EDIL3: variants seen among roughly 807,000 people sequenced by gnomAD.
EDIL3 encodes the protein EGF like and discoidin domains 3.
In EDIL3, 37 loss-of-function variants were observed where a neutral mutation model predicts 67.4. The observed-to-expected ratio is 0.55, with a 90% confidence interval of 0.42 to 0.72. The LOEUF (loss-of-function observed/expected upper bound fraction) is 0.72. Ranked by LOEUF, EDIL3 falls within the 30% of genes least tolerant of loss-of-function variation. The probability of loss-of-function intolerance (pLI) is 0.00; values close to 1 mark genes in which losing one functional copy is unlikely to be tolerated. For synonymous variants in EDIL3, 195 were observed against 196.3 expected (o/e 0.99, Z 0.05); for missense variants, 527 against 586.3 (o/e 0.90, Z 1.04).
intron 3 of EDIL3, among the ~76,000 whole-genome samples, chr5:84,211,181 G>C (rs1188656591): frequency 6.6e-6 from 1 of 152,204 alleles, no homozygotes; most frequent in Non-Finnish European, 1.5e-5. Flanking sequence ...AGGCCTGGTG[G>C]AAGGTGTCTG....
intron 6 of EDIL3, among the ~76,000 whole-genome samples, chr5:84,075,490 T>C (rs1344830523): frequency 2.0e-5 from 3 of 152,034 alleles, no homozygotes; most frequent in Non-Finnish European, 2.9e-5. Context: ...CTTCTTATTA[T>C]TTTGAGACGG....
At chr5:83,950,652 C>T (rs1744403037) in intron 10 of EDIL3, among the ~76,000 whole-genome samples, 1 of 151,792 alleles carries the variant, frequency 6.6e-6, no homozygotes, top group Admixed American at 6.6e-5. Context: ...ATTTTACTTG[C>T]TGTTCTTATT....
At chr5:84,112,907 T>A (rs919177963) in intron 5 of EDIL3, among the ~76,000 whole-genome samples, 1 of 152,208 alleles carries the variant, frequency 6.6e-6, no homozygotes, top group African/African-American at 2.4e-5. Flanking sequence ...GGTACCATTT[T>A]ATTTGTATAC....
chr5:84,042,424 G>C (rs1398189041), intron 9 of EDIL3, among the ~76,000 whole-genome samples: 11 of 151,988 alleles, frequency 7.2e-5, no homozygotes, highest in African/African-American at 2.7e-4. Flanking sequence ...TGAGATTACA[G>C]GTGCCCGCCA....
In EDIL3 at chr5:84,224,039, A is replaced by G. The variant is rs538598886; in HGVS notation, c.226+5816T>C. ...CACTTGTAGTATTAAAAAAAATGAC[A>G]AAGTAATTAAAAACCTCCTCTTAGG... On this transcript the variant is annotated intron_variant, in intron 3 of 10. Coordinates refer to ENST00000296591, the MANE Select transcript of EDIL3 (RefSeq NM_005711.5). 5.9e-5 allele frequency among the ~76,000 whole-genome samples: 9 copies of G among 151,568 alleles called. No individual in the cohort carries two copies. The South Asian group carries it at 1.9e-3, about 31-fold the overall frequency.
chr5:84,151,907 T>G (rs116454512), intron 4 of EDIL3, among the ~76,000 whole-genome samples: 2,421 of 148,426 alleles, frequency 0.016, 66 homozygotes, highest in African/African-American at 0.059. Context: ...CTTTGCTGCT[T>G]CTTTTTTTTT....
chr5:83,974,912 C>A (rs1744854304), intron 9 of EDIL3, among the ~76,000 whole-genome samples: 1 of 151,798 alleles, frequency 6.6e-6, no homozygotes, highest in East Asian at 1.9e-4. Flanking sequence ...CCTTTAGGTC[C>A]TAATATCTAT....
rs1748905251 is a variant in EDIL3 at position 84,176,202 on chromosome 5, T to TATATATATATATATATATATATA, written c.355+4168_355+4190dup. Among the ~76,000 whole-genome samples the TATATATATATATATATATATATA allele has an allele frequency of 4.1e-3, 41 of 10,090 alleles. No individual in the cohort carries two copies. In the East Asian group the frequency reaches 0.1, roughly 25 times the overall value. The allele number at this position is 10,090 out of a possible 152,430, so 6.6% of individuals were successfully genotyped here. On this transcript the variant is annotated intron_variant, in intron 4 of 10. Coordinates refer to ENST00000296591, the MANE Select transcript of EDIL3 (RefSeq NM_005711.5). ...AAAAAATATATATATATATATAATA[T>TATATATATATATATATATATATA]ATATATATATATATATATATATATA...
chr5:84,023,174 T>C (rs1400740898), intron 9 of EDIL3, among the ~76,000 whole-genome samples: 2 of 152,016 alleles, frequency 1.3e-5, no homozygotes, highest in Non-Finnish European at 2.9e-5. Context: ...ATTATCATAA[T>C]GATTACAAAA....
At chr5:84,015,073 T>A (rs1026633144) in intron 9 of EDIL3, among the ~76,000 whole-genome samples, 19 of 152,220 alleles carry the variant, frequency 1.2e-4, no homozygotes, top group African/African-American at 4.6e-4. Flanking sequence ...CCACAAATAC[T>A]CCAGGACACT....
intron 9 of EDIL3, among the ~76,000 whole-genome samples, chr5:84,009,672 T>G (rs1745484720): frequency 6.6e-6 from 1 of 152,166 alleles, no homozygotes; most frequent in African/African-American, 2.4e-5. Flanking sequence ...AGCCCTGTCA[T>G]GAGTCGCTGC....
At chr5:84,372,956 T>C (rs895626103) in intron 1 of EDIL3, among the ~76,000 whole-genome samples, 47 of 152,226 alleles carry the variant, frequency 3.1e-4, no homozygotes, top group Middle Eastern at 3.4e-3. Context: ...TTAGAGTAAA[T>C]CGGCTCTCCT....
At position 83,941,201 on chromosome 5, in the gene EDIL3, G is replaced by T. The variant is rs1035313649; in HGVS notation, c.*2218C>A. On this transcript the variant is annotated 3_prime_UTR_variant, in exon 11 of 11. Coordinates refer to ENST00000296591, the MANE Select transcript of EDIL3 (RefSeq NM_005711.5). The stretch of plus-strand genomic sequence containing the variant: ...ACCCCTTTGCTCTCATCAATTTTGG[G>T]TGTCATGAGAACAATAGGTATCCCG... 2 of 151,932 alleles carry T rather than the reference G, an allele frequency of 1.3e-5. No individual in the cohort carries two copies. The highest frequency in any genetic ancestry group is 2.9e-5 in the Non-Finnish European group (2 of 67,886). 9.4% of individuals were successfully genotyped at this position (151,932 alleles called of 1,614,324 possible).
chr5:84,340,034 T>C (rs1300458858), intron 1 of EDIL3, among the ~76,000 whole-genome samples: 2 of 152,036 alleles, frequency 1.3e-5, no homozygotes, highest in South Asian at 2.1e-4. Flanking sequence ...TAGAAAAATA[T>C]TAAATTTTAT....
intron 9 of EDIL3, among the ~76,000 whole-genome samples, chr5:83,982,109 G>A (rs1744979774): frequency 6.6e-6 from 1 of 152,004 alleles, no homozygotes; most frequent in Non-Finnish European, 1.5e-5. Flanking sequence ...TCTAACACAT[G>A]TGATTTAAAG....
chr5:84,349,576 A>G (rs1747313663), intron 1 of EDIL3, among the ~76,000 whole-genome samples: 1 of 152,178 alleles, frequency 6.6e-6, no homozygotes, highest in South Asian at 2.1e-4. Context: ...TTTAAATATA[A>G]ATTCCATTTT....
At chr5:84,019,111 C>T (rs1745662631) in intron 9 of EDIL3, among the ~76,000 whole-genome samples, 1 of 152,140 alleles carries the variant, frequency 6.6e-6, no homozygotes, top group South Asian at 2.1e-4. Context: ...TTTATTGCGG[C>T]ACTATTCAGA....
At chr5:84,028,941 TGACAGTGAATAAATCTCACAA>T (rs1250944220) in intron 9 of EDIL3, among the ~76,000 whole-genome samples, 20 of 152,080 alleles carry the variant, frequency 1.3e-4, no homozygotes, top group African/African-American at 4.3e-4. Context: ...GTTGTTCTCA[TGACAGTGAATAAATCTCACAA>T]GAAGAGGAGT....
In EDIL3 at chr5:84,010,691, A is replaced by G. The variant is rs181689679; in HGVS notation, c.1138-47331T>C. Among the ~76,000 whole-genome samples, 160 of 152,302 alleles carry G rather than the reference A, an allele frequency of 1.1e-3. 1 individual carries two copies. The highest frequency in any genetic ancestry group is 1.7e-3 in the Non-Finnish European group (119 of 68,034). ...CTAATTATCCTTTTTCATATACACA[A>G]TCACCCTAATTGAATTACAAATTCT... On this transcript the variant is annotated intron_variant, in intron 9 of 10. Coordinates refer to ENST00000296591, the MANE Select transcript of EDIL3 (RefSeq NM_005711.5).
Sources: gnomAD v4.1 joint callset for allele counts (sites outside exome capture counted in the v4.1 genomes callset) on GRCh38, gnomAD v4.1.1 for gene constraint, MANE v1.5 for transcripts, NCBI Gene and HGNC (gene_info 2026-07-23, HGNC 2026-07-21) for gene names.